Variants in TDRD9 observed in about 807,000 individuals in gnomAD.
TDRD9 encodes the protein tudor domain containing 9.
In TDRD9, 124 loss-of-function variants were observed where a neutral mutation model predicts 172.6. The observed-to-expected ratio is 0.72, with a 90% CI of 0.62 to 0.83. The LOEUF (loss-of-function observed/expected upper bound fraction) is 0.83, where lower values mean the gene tolerates loss of function less well. TDRD9 is among the 40% of genes least tolerant of loss of function. TDRD9 has a pLI of 0.00. For synonymous variants in TDRD9, 619 were observed against 617.1 expected, an observed-to-expected ratio of 1.00 and a Z score of -0.05; for missense variants, 1,479 against 1,714.1, an observed-to-expected ratio of 0.86 and a Z score of 2.42.
intron 14 of TDRD9, 137 bp from the exon 15 acceptor site, chr14:104,005,137 C>T (rs1595975313): frequency 1.4e-6 from 1 of 730,956 alleles, no homozygotes; most frequent in East Asian, 2.8e-5. Flanking sequence ...TTCTCTCCCT[C>T]CCTCAATCCT....
chr14:104,033,886 G>A, intron 30 of TDRD9, 74 bp from the exon 31 acceptor site: 1 of 870,288 alleles, frequency 1.1e-6, no homozygotes, highest in Non-Finnish European at 1.9e-6. Flanking sequence ...GAAATGGGTT[G>A]CTTGTGGGTT....
chr14:103,939,250 G>A (rs1595892938), intron 1 of TDRD9, among the ~76,000 whole-genome samples: 1 of 152,196 alleles, frequency 6.6e-6, no homozygotes, highest in East Asian at 1.9e-4. Context: ...ATGTATGGTG[G>A]GATGACCAAT....
At chr14:104,011,854 GTTATGC>G (rs2034621968) in intron 20 of TDRD9, among the ~76,000 whole-genome samples, 1 of 152,028 alleles carries the variant, frequency 6.6e-6, no homozygotes, top group Admixed American at 6.6e-5. Context: ...TAGAAAAGCT[GTTATGC>G]TTATGCTTAT....
intron 31 of TDRD9, among the ~76,000 whole-genome samples, chr14:104,034,380 T>G (rs189448944): frequency 2.0e-5 from 3 of 151,954 alleles, no homozygotes; most frequent in Admixed American, 6.6e-5. Flanking sequence ...TTAGTAGAGA[T>G]GGGGTTTCAC....
chr14:103,967,950 A>G (rs941000521), intron 5 of TDRD9, among the ~76,000 whole-genome samples: 1 of 152,246 alleles, frequency 6.6e-6, no homozygotes, highest in African/African-American at 2.4e-5. Context: ...CTAAAGTTTA[A>G]GGAAGTTCAG....
chr14:103,955,870 G>A (rs1040728679), intron 2 of TDRD9, 100 bp downstream of exon 2: 4 of 1,013,608 alleles, frequency 3.9e-6, no homozygotes, highest in Non-Finnish European at 5.8e-6. Flanking sequence ...AGCTACTCAG[G>A]AGGCTGAGGT....
intron 8 of TDRD9, among the ~76,000 whole-genome samples, 162 bp from the exon 9 acceptor site, chr14:103,990,998 C>T (rs888142705): frequency 2.6e-5 from 4 of 152,204 alleles, no homozygotes; most frequent in Non-Finnish European, 5.9e-5. Context: ...GATGTTTTCT[C>T]ATCTTTTTGG....
chr14:104,031,222 G>C lies in TDRD9; in HGVS notation c.3397G>C (p.Glu1133Gln). Reference sequence around the variant, plus strand: ...GAAATATCTCATCCGGATTTTGTTAGAGAGCTTTTCTACCAATAAACTGGG... The same window carrying C: ...GAAATATCTCATCCGGATTTTGTTACAGAGCTTTTCTACCAATAAACTGGG... ...DEKYLIRILL[E>Q]SFSTNKLGTP... is the part of the protein sequence containing the mutation. Residue 1133 changes from glutamate (E) to glutamine (Q), a missense_variant, in exon 29 of 36, where the codon GAG (glutamate) becomes CAG (glutamine). Around this residue, in one of 3 missense-constraint regions of TDRD9, gnomAD observed 1,413 missense variants for 1,649.1 expected, o/e 0.86. Transcript: ENST00000409874. The C allele has an allele frequency of 1.9e-6, 3 of 1,551,926 alleles. No homozygotes were observed. The highest frequency in any genetic ancestry group is 2.6e-6 in the Non-Finnish European group (3 of 1,147,014).
At chr14:103,937,937 A>G (rs997159172) in intron 1 of TDRD9, among the ~76,000 whole-genome samples, 2 of 151,980 alleles carry the variant, frequency 1.3e-5, no homozygotes, top group Non-Finnish European at 2.9e-5. Flanking sequence ...TGAGCATCCA[A>G]GAGGAGGTGT....
intron 29 of TDRD9, 34 bp downstream of exon 29, chr14:104,031,297 G>C (rs1193321623): frequency 6.6e-7 from 1 of 1,524,688 alleles, no homozygotes; most frequent in East Asian, 2.5e-5. Context: ...TAATTTAAAA[G>C]CTTAGTATCA....
intron 34 of TDRD9, among the ~76,000 whole-genome samples, chr14:104,045,154 A>AG (rs977141126): frequency 4.6e-5 from 7 of 152,222 alleles, no homozygotes; most frequent in African/African-American, 1.7e-4. Context: ...GAAAAAAAAA[A>AG]AAAAGGAAAT....
At chr14:104,001,072 C>T (rs1297979855) in intron 13 of TDRD9, among the ~76,000 whole-genome samples, 3 of 152,178 alleles carry the variant, frequency 2.0e-5, no homozygotes, top group African/African-American at 7.2e-5. Context: ...TTAGACTATA[C>T]ACCTTGTTTC....
intron 9 of TDRD9, among the ~76,000 whole-genome samples, chr14:103,991,871 C>T (rs750953572): frequency 2.0e-5 from 3 of 152,038 alleles, no homozygotes; most frequent in Non-Finnish European, 4.4e-5. Flanking sequence ...GATTCTCCTG[C>T]CTAAGCCTCC....
intron 1 of TDRD9, among the ~76,000 whole-genome samples, chr14:103,938,271 A>G (rs1352496289): frequency 6.6e-6 from 1 of 151,496 alleles, no homozygotes; most frequent in African/African-American, 2.4e-5. Context: ...GGATTCATTT[A>G]TTCTTTCTAT....
At chr14:103,999,644 A>AATTT (rs2034188702) in intron 13 of TDRD9, among the ~76,000 whole-genome samples, 3 of 116,652 alleles carry the variant, frequency 2.6e-5, no homozygotes, top group South Asian at 2.5e-4. Context: ...GTTTTTTAGA[A>AATTT]AACCTTTTGG....
At chr14:103,938,535 T>A (rs1190393271) in intron 1 of TDRD9, among the ~76,000 whole-genome samples, 3 of 147,328 alleles carry the variant, frequency 2.0e-5, no homozygotes, top group African/African-American at 7.5e-5. Context: ...GCCTCCCGGG[T>A]TCATGCCATT....
chr14:104,029,904 A>G (rs1169503824), intron 28 of TDRD9, among the ~76,000 whole-genome samples: 12 of 152,098 alleles, frequency 7.9e-5, no homozygotes, highest in Admixed American at 7.9e-4. Context: ...GAATTTTATC[A>G]AGTGCTTTTT....
intron 28 of TDRD9, among the ~76,000 whole-genome samples, chr14:104,029,796 T>C (rs2035227351): frequency 6.6e-6 from 1 of 152,196 alleles, no homozygotes; most frequent in Non-Finnish European, 1.5e-5. Context: ...TTCAGTATGG[T>C]GTTTGCTGTG....
chr14:103,970,760 G>A (rs1566748901), intron 6 of TDRD9, 139 bp downstream of exon 6: 2 of 657,540 alleles, frequency 3.0e-6, no homozygotes, highest in South Asian at 2.0e-5. Flanking sequence ...ATCCTCAAGT[G>A]CCTTATATGA....
Sources: allele counts gnomAD v4.1 joint callset (sites outside exome capture counted in the v4.1 genomes callset), GRCh38; gene constraint gnomAD v4.1.1; regional missense constraint gnomAD v4.1.1; transcripts MANE v1.5; gene names NCBI Gene and HGNC (gene_info 2026-07-23, HGNC 2026-07-21).